Variants in USP32 observed in about 807,000 individuals in gnomAD.
USP32 encodes the protein ubiquitin specific peptidase 32.
Under a neutral mutation model 204.8 loss-of-function variants are expected in USP32, and 59 were observed. That is an observed-to-expected ratio of 0.29 (90% CI 0.23 to 0.36). The LOEUF is 0.36. Ranked by LOEUF, USP32 falls within the 10% of genes least tolerant of loss-of-function variation. The pLI is 1.00. For synonymous variants in USP32, 517 were observed against 678.4 expected (o/e 0.76, Z 3.70); for missense variants, 1,160 against 1,946.4 (o/e 0.60, Z 7.60).
At chr17:60,224,822 G>A (rs1326567930) in intron 13 of USP32, among the ~76,000 whole-genome samples, 1 of 152,036 alleles carries the variant, frequency 6.6e-6, no homozygotes, top group Non-Finnish European at 1.5e-5. Flanking sequence ...TAAGATTGAG[G>A]GTTCTGCTAC....
chr17:60,211,247 T>C lies in USP32; in HGVS notation c.2318+129A>G, dbSNP rs1466494043. On this transcript the variant is annotated intron_variant, in intron 20 of 33. Transcript: ENST00000300896. ...GAAACAAGAGATGTATTCCTTGGCC[T>C]ATTTCATATTAAATAGGGCAAATAA... 6 of 1,503,440 alleles carry C rather than the reference T, an allele frequency of 4.0e-6. No homozygotes were observed. In the African/African-American group the frequency reaches 8.5e-5, roughly 21 times the overall value. The allele number at this position is 1,503,440 out of a possible 1,614,324, so 93.1% of individuals were successfully genotyped here. A position where few individuals can be genotyped will look rare whatever the true frequency, so the allele number is the denominator to read the frequency against.
At chr17:60,419,496 G>T (rs1708364907) in intron 1 of USP32, among the ~76,000 whole-genome samples, 2 of 152,094 alleles carry the variant, frequency 1.3e-5, no homozygotes, top group South Asian at 4.1e-4. Context: ...CAGCACTTTG[G>T]GAGGCTGAGG....
intron 10 of USP32, 42 bp from the exon 11 acceptor site, chr17:60,252,484 A>T (rs2086194223): frequency 6.8e-7 from 1 of 1,469,558 alleles, no homozygotes; most frequent in East Asian, 2.3e-5. Flanking sequence ...TAACTGCATA[A>T]TATTTCACAT....
chr17:60,291,666 C>T (rs996674699), intron 4 of USP32, among the ~76,000 whole-genome samples: 1 of 151,982 alleles, frequency 6.6e-6, no homozygotes, highest in African/African-American at 2.4e-5. Context: ...TACATGCAAT[C>T]ATCGACACAC....
chr17:60,199,332 A>G (rs2084613739), intron 26 of USP32, among the ~76,000 whole-genome samples: 1 of 152,148 alleles, frequency 6.6e-6, no homozygotes, highest in South Asian at 2.1e-4. Flanking sequence ...TTTTTTAAAT[A>G]CAGGATAGGA....
chr17:60,281,396 G>A (rs1176544275), intron 5 of USP32, among the ~76,000 whole-genome samples: 1 of 152,130 alleles, frequency 6.6e-6, no homozygotes, highest in Non-Finnish European at 1.5e-5. Context: ...AAATTAGCCA[G>A]GCGCGGTAGC....
intron 1 of USP32, among the ~76,000 whole-genome samples, chr17:60,411,688 C>A (rs1182651132): frequency 1.3e-5 from 2 of 151,602 alleles, no homozygotes; most frequent in Non-Finnish European, 2.9e-5. Context: ...ATTCTACTTT[C>A]TGTCTCTATG....
rs75067615 is a variant in USP32, at chr17:60,229,386, T to C, written c.1240-3155A>G. 1.1e-3 allele frequency among the ~76,000 whole-genome samples: 168 copies of C among 152,344 alleles called. 1 individual carries two copies. The highest frequency in any genetic ancestry group is 3.1e-3 in the African/African-American group (128 of 41,584). On this transcript the variant is annotated intron_variant, in intron 12 of 33. Transcript: ENST00000300896. ...GTTCTCTATGTGATCTCACTACATATGCAGCCAGAATTAATAACTATTGCC... is the reference window on the plus strand; with the variant it reads ...GTTCTCTATGTGATCTCACTACATACGCAGCCAGAATTAATAACTATTGCC...
intron 27 of USP32, among the ~76,000 whole-genome samples, chr17:60,196,065 G>A (rs1322002804): frequency 6.6e-6 from 1 of 152,020 alleles, no homozygotes; most frequent in African/African-American, 2.4e-5. Context: ...TTAGGAGATC[G>A]AGACCATCCT....
At chr17:60,207,788 C>T (rs2084865804) in intron 24 of USP32, 1 of 300,512 alleles carries the variant, frequency 3.3e-6, no homozygotes, top group South Asian at 8.6e-5. Flanking sequence ...GAAACCTATA[C>T]TATAGTGACA....
At chr17:60,343,368 C>T (rs1328174513) in intron 2 of USP32, among the ~76,000 whole-genome samples, 2 of 152,162 alleles carry the variant, frequency 1.3e-5, no homozygotes, top group Non-Finnish European at 1.5e-5. Context: ...AGCACCACAT[C>T]GCATTTATTC....
At chr17:60,280,548 T>TG (rs1392797450) in intron 5 of USP32, among the ~76,000 whole-genome samples, 8 of 152,362 alleles carry the variant, frequency 5.3e-5, no homozygotes, top group African/African-American at 1.7e-4. Context: ...TATTTGTGTA[T>TG]GAAAAAGTAA....
At chr17:60,222,717 C>T (rs1347846662) in intron 14 of USP32, among the ~76,000 whole-genome samples, 168 bp from the exon 15 acceptor site, 3 of 145,828 alleles carry the variant, frequency 2.1e-5, no homozygotes, top group Non-Finnish European at 4.5e-5. Flanking sequence ...GGTCTTGTTC[C>T]GTCACCCAGG....
intron 1 of USP32, among the ~76,000 whole-genome samples, chr17:60,401,281 A>G (rs1033413516): frequency 6.6e-6 from 1 of 150,914 alleles, no homozygotes; most frequent in Non-Finnish European, 1.5e-5. Context: ...GAGGCAGGAG[A>G]ATAGCGTGAA....
chr17:60,337,093 A>G (rs952451560), intron 2 of USP32, among the ~76,000 whole-genome samples: 1 of 152,248 alleles, frequency 6.6e-6, no homozygotes, highest in Non-Finnish European at 1.5e-5. Flanking sequence ...TCAATAATAT[A>G]GATCAACTAT....
chr17:60,338,735 A>C (rs2088584154), intron 2 of USP32, among the ~76,000 whole-genome samples: 1 of 152,204 alleles, frequency 6.6e-6, no homozygotes, highest in African/African-American at 2.4e-5. Context: ...GTCTCAAAAA[A>C]AACATAGTGG....
intron 1 of USP32, among the ~76,000 whole-genome samples, chr17:60,413,866 AAAAAAAAAAG>A (rs1033757907): frequency 3.4e-5 from 5 of 147,896 alleles, no homozygotes; most frequent in African/African-American, 1.3e-4. Context: ...TGTCTCAAAA[AAAAAAAAAAG>A]AAAAAAAAAA....
At chr17:60,251,535 G>T (rs1245544528) in intron 11 of USP32, among the ~76,000 whole-genome samples, 1 of 152,112 alleles carries the variant, frequency 6.6e-6, no homozygotes, top group East Asian at 1.9e-4. Flanking sequence ...AGTACCTATT[G>T]AGAGTTTATT....
At chr17:60,297,817 T>C (rs2087473937) in intron 3 of USP32, among the ~76,000 whole-genome samples, 1 of 152,200 alleles carries the variant, frequency 6.6e-6, no homozygotes, top group Non-Finnish European at 1.5e-5. Flanking sequence ...AGCACTGGCC[T>C]TGAGATAAGC....
Sources: allele counts gnomAD v4.1 joint callset (sites outside exome capture counted in the v4.1 genomes callset), GRCh38; gene constraint gnomAD v4.1.1; transcripts MANE v1.5; gene names NCBI Gene and HGNC (gene_info 2026-07-23, HGNC 2026-07-21).